Variants in PPP3CC observed in about 807,000 individuals in gnomAD.
PPP3CC encodes the protein protein phosphatase 3 catalytic subunit gamma.
In PPP3CC, 35 loss-of-function variants were observed where a neutral mutation model predicts 60.3. The observed-to-expected ratio is 0.58, with a 90% CI of 0.44 to 0.77. The LOEUF is 0.77. PPP3CC is among the 30% of genes least tolerant of loss of function. The pLI, the probability that PPP3CC is intolerant of heterozygous loss-of-function variation, is 0.00. For synonymous variants in PPP3CC, 206 were observed against 224.3 expected (o/e 0.92, Z 0.73); for missense variants, 570 against 628.9 (o/e 0.91, Z 1.00).
At chr8:22,502,374 A>G (rs1838786963) in intron 4 of PPP3CC, among the ~76,000 whole-genome samples, 1 of 152,186 alleles carries the variant, frequency 6.6e-6, no homozygotes, top group Non-Finnish European at 1.5e-5. Flanking sequence ...TGAACAATGG[A>G]ATGCTAGGCA....
intron 1 of PPP3CC, among the ~76,000 whole-genome samples, chr8:22,466,665 T>C (rs1837530832): frequency 6.6e-6 from 1 of 152,220 alleles, no homozygotes; most frequent in South Asian, 2.1e-4. Context: ...CACTTTCTGA[T>C]GGGGTTGTTT....
intron 1 of PPP3CC, among the ~76,000 whole-genome samples, chr8:22,460,027 G>A (rs954635476): frequency 6.6e-6 from 1 of 152,022 alleles, no homozygotes; most frequent in Non-Finnish European, 1.5e-5. Flanking sequence ...TTAGAAGATT[G>A]TCTATATAGT....
chr8:22,447,926 T>G (rs1222308552), intron 1 of PPP3CC, among the ~76,000 whole-genome samples: 3 of 152,220 alleles, frequency 2.0e-5, no homozygotes, highest in Admixed American at 6.5e-5. Context: ...AATGTATTTC[T>G]TTGATGATCA....
intron 4 of PPP3CC, among the ~76,000 whole-genome samples, chr8:22,507,006 C>T (rs1213544572): frequency 6.6e-6 from 1 of 151,848 alleles, no homozygotes; most frequent in Non-Finnish European, 1.5e-5. Context: ...GTAATCCCAG[C>T]ACATTGGGAG....
rs1554533274 is a variant in PPP3CC at position 22,481,371 on chromosome 8, A to ATAATAAT, written c.372+5748_372+5754dup. 8.0e-3 allele frequency among the ~76,000 whole-genome samples: 1,195 copies of ATAATAAT among 148,606 alleles called. 22 individuals are homozygous for ATAATAAT. The highest frequency in any genetic ancestry group is 0.028 in the African/African-American group (1,136 of 40,728). On this transcript the variant is annotated intron_variant, in intron 3 of 13. Transcript: ENST00000240139. ...AATAATAATAATAATAATAATAATA[A>ATAATAAT]TAATAATAATGATAATATTCATTCA...
At chr8:22,470,077 C>CACACACAT (rs1554530754) in intron 1 of PPP3CC, among the ~76,000 whole-genome samples, 9 of 151,642 alleles carry the variant, frequency 5.9e-5, no homozygotes, top group African/African-American at 1.9e-4. Context: ...CACACACACA[C>CACACACAT]ACACACACAT....
intron 2 of PPP3CC, 77 bp from the exon 3 acceptor site, chr8:22,475,423 C>CT: frequency 6.9e-7 from 1 of 1,453,322 alleles, no homozygotes; most frequent in Admixed American, 2.1e-5. Flanking sequence ...AGAAGTTAAA[C>CT]TGTGATCCCT....
intron 6 of PPP3CC, 81 bp from the exon 7 acceptor site, chr8:22,522,410 A>G: frequency 1.8e-6 from 2 of 1,110,394 alleles, no homozygotes; most frequent in Non-Finnish European, 2.6e-6. Flanking sequence ...ATCAGCTAAT[A>G]TCACCTTGAC....
intron 11 of PPP3CC, 126 bp from the exon 12 acceptor site, chr8:22,532,795 G>A: frequency 5.4e-6 from 3 of 554,570 alleles, no homozygotes; most frequent in Non-Finnish European, 9.3e-6. Flanking sequence ...TTGAGTCAGG[G>A]AAGGCGTAGG....
chr8:22,488,554 T>G (rs1031110868), intron 3 of PPP3CC, among the ~76,000 whole-genome samples: 2 of 152,206 alleles, frequency 1.3e-5, no homozygotes, highest in African/African-American at 4.8e-5. Context: ...GAATGAATGA[T>G]TCTCAGATTG....
At chr8:22,533,141 G>A in intron 12 of PPP3CC, 123 bp downstream of exon 12, 1 of 625,728 alleles carries the variant, frequency 1.6e-6, no homozygotes, top group South Asian at 3.3e-5. Context: ...CCATAAGCGG[G>A]GAAATGAATC....
At chr8:22,510,808 G>A (rs1281455430) in intron 4 of PPP3CC, 1 of 308,360 alleles carries the variant, frequency 3.2e-6, no homozygotes, top group South Asian at 6.6e-5. Context: ...TTTACCACAA[G>A]CCATGTTGCC....
intron 8 of PPP3CC, among the ~76,000 whole-genome samples, chr8:22,525,477 T>A (rs759137802): frequency 9.2e-5 from 14 of 151,642 alleles, no homozygotes; most frequent in Non-Finnish European, 1.9e-4. Context: ...TTCTTTTTCT[T>A]TCTGCTTCCT....
In PPP3CC at chr8:22,540,976, G is replaced by T; in HGVS notation, c.*174G>T. 2 of 498,824 alleles carry T rather than the reference G, an allele frequency of 4.0e-6. No homozygotes were observed. Among genetic ancestry groups the T allele is most frequent in the Non-Finnish European group, 6.5e-6 (2 of 308,232 alleles). The allele number at this position is 498,824 out of a possible 1,614,324, so 30.9% of individuals were successfully genotyped here. A position where few individuals can be genotyped will look rare whatever the true frequency, so the allele number is the denominator to read the frequency against. Reference sequence around the variant, plus strand: ...TGTTTTATAAATTCTTTTAATTTATGTTCAATATATATAAAAAGTGCATCT... The same window carrying T: ...TGTTTTATAAATTCTTTTAATTTATTTTCAATATATATAAAAAGTGCATCT... On this transcript the variant is annotated 3_prime_UTR_variant, in exon 14 of 14. Transcript: ENST00000240139.
intron 2 of PPP3CC, 37 bp downstream of exon 2, chr8:22,475,188 T>G: frequency 6.5e-7 from 1 of 1,537,740 alleles, no homozygotes; most frequent in South Asian, 1.2e-5. Flanking sequence ...TTTTACAGTA[T>G]AGATTTGCAT....
intron 3 of PPP3CC, among the ~76,000 whole-genome samples, chr8:22,479,922 A>G (rs1047100594): frequency 5.3e-5 from 8 of 152,130 alleles, no homozygotes; most frequent in Admixed American, 5.2e-4. Flanking sequence ...AGGGCTGACA[A>G]GTTTTACTTA....
At chr8:22,480,820 T>C (rs1229932483) in intron 3 of PPP3CC, among the ~76,000 whole-genome samples, 1 of 152,144 alleles carries the variant, frequency 6.6e-6, no homozygotes, top group Non-Finnish European at 1.5e-5. Context: ...TTGAGGCTGG[T>C]CACAGTGGCT....
intron 8 of PPP3CC, among the ~76,000 whole-genome samples, chr8:22,525,185 T>C (rs952545022): frequency 6.6e-6 from 1 of 152,154 alleles, no homozygotes; most frequent in Non-Finnish European, 1.5e-5. Flanking sequence ...CCACAGTTCA[T>C]TCTACCTGAG....
At chr8:22,539,272 C>T (rs1288372459) in intron 12 of PPP3CC, among the ~76,000 whole-genome samples, 197 bp from the exon 13 acceptor site, 1 of 152,090 alleles carries the variant, frequency 6.6e-6, no homozygotes, top group African/African-American at 2.4e-5. Flanking sequence ...AAACTCTCCC[C>T]CACCCCATAT....
Sources: allele counts gnomAD v4.1 joint callset (sites outside exome capture counted in the v4.1 genomes callset), GRCh38; gene constraint gnomAD v4.1.1; transcripts MANE v1.5; gene names NCBI Gene and HGNC (gene_info 2026-07-23, HGNC 2026-07-21).